Variants in ARNT2 observed in about 807,000 individuals in gnomAD.
ARNT2 encodes ARNT protein 2.
A neutral mutation model predicts 91.7 loss-of-function variants in ARNT2; 36 were observed. The observed-to-expected ratio is 0.39, with a 90% CI of 0.30 to 0.52. ARNT2 has a LOEUF of 0.52. Ranked by LOEUF, ARNT2 falls within the 20% of genes least tolerant of loss-of-function variation. The pLI, the probability that ARNT2 is intolerant of heterozygous loss-of-function variation, is 0.72. For synonymous variants in ARNT2, 365 were observed against 347.1 expected (o/e 1.05, Z -0.57); for missense variants, 775 against 939.3 (o/e 0.83, Z 2.29).
chr15:80,432,939 AAAGAAAACAGAT>A (rs1386889733), intron 1 of ARNT2, among the ~76,000 whole-genome samples: 1 of 152,226 alleles, frequency 6.6e-6, no homozygotes, highest in Non-Finnish European at 1.5e-5. Flanking sequence ...ACTGCTTTGA[AAAGAAAACAGAT>A]TTTAATGCCT....
In ARNT2 at chr15:80,475,357, A is replaced by G; in HGVS notation, c.622+134A>G. 22 of 888,704 alleles carry G rather than the reference A, an allele frequency of 2.5e-5. No individual in the cohort carries two copies. In the South Asian group the frequency reaches 3.4e-4, roughly 14 times the overall value. 55.1% of individuals were successfully genotyped at this position (888,704 alleles called of 1,614,324 possible). A position where few individuals can be genotyped will look rare whatever the true frequency, so the allele number is the denominator to read the frequency against. ...ATCACGAGGTCAGGAGATCAAGACC[A>G]TCCTGGCTAACATGGTGAAACCCCG... On this transcript the variant is annotated intron_variant, in intron 5 of 18. Transcript: ENST00000303329.
chr15:80,509,984 A>G lies in ARNT2; in HGVS notation c.725+1726A>G, dbSNP rs533166597. ...AGAGGTCCCTGAAGTTGACTGTGAGAGTTACATGTTCTGAATAACATTACT... is the reference window on the plus strand; with the variant it reads ...AGAGGTCCCTGAAGTTGACTGTGAGGGTTACATGTTCTGAATAACATTACT... On this transcript the variant is annotated intron_variant, in intron 6 of 18. Transcript: ENST00000303329. Among the ~76,000 whole-genome samples the G allele has an allele frequency of 2.0e-5, 3 of 152,270 alleles. No individual in the cohort carries two copies. In the South Asian group the frequency reaches 6.2e-4, roughly 32 times the overall value.
At chr15:80,457,749 C>T (rs544920945) in intron 2 of ARNT2, among the ~76,000 whole-genome samples, 180 bp from the exon 3 acceptor site, 11 of 152,342 alleles carry the variant, frequency 7.2e-5, no homozygotes, top group African/African-American at 1.7e-4. Flanking sequence ...TTCATTTTGC[C>T]TCTTCTTGTC....
At chr15:80,572,179 T>A (rs1830946811) in intron 12 of ARNT2, among the ~76,000 whole-genome samples, 2 of 151,092 alleles carry the variant, frequency 1.3e-5, no homozygotes, top group African/African-American at 4.9e-5. Context: ...TGAGTTAGGA[T>A]GAATGCAGGC....
chr15:80,483,478 G>C (rs564634093), intron 5 of ARNT2, among the ~76,000 whole-genome samples: 2 of 152,344 alleles, frequency 1.3e-5, no homozygotes, highest in Non-Finnish European at 2.9e-5. Flanking sequence ...CTGGGGGTTT[G>C]CTGTCCCCTC....
At chr15:80,515,704 G>C (rs1595993975) in intron 8 of ARNT2, among the ~76,000 whole-genome samples, 1 of 138,254 alleles carries the variant, frequency 7.2e-6, no homozygotes, top group African/African-American at 2.7e-5. Flanking sequence ...CCACTGATGT[G>C]AATTATATAT....
intron 5 of ARNT2, among the ~76,000 whole-genome samples, chr15:80,498,792 A>G (rs951503543): frequency 2.4e-4 from 37 of 152,366 alleles, no homozygotes; most frequent in African/African-American, 8.7e-4. Flanking sequence ...AACAGCCACA[A>G]GCTGGCCACA....
At chr15:80,435,006 C>T (rs1439542402) in intron 1 of ARNT2, among the ~76,000 whole-genome samples, 3 of 152,070 alleles carry the variant, frequency 2.0e-5, no homozygotes, top group Admixed American at 1.3e-4. Context: ...TCCTTACCTG[C>T]GGGTAAACCA....
rs764213890 is a variant in ARNT2, at chr15:80,581,355, G to A, written c.1869G>A (p.Ser623=). The A allele has an allele frequency of 2.1e-5, 34 of 1,613,986 alleles. No individual in the cohort carries two copies. Among genetic ancestry groups the A allele is most frequent in the Non-Finnish European group, 2.7e-5 (32 of 1,180,018 alleles). The change falls in exon 17 of 19, where the codon TCG becomes TCA. Residue 623 remains serine (S), a synonymous_variant. Transcript: ENST00000303329. ...YSPLSSPATS[S]PSGNAYSSLA... is the part of the protein sequence containing the mutation. ...CCCTCTCCAGCCCAGCTACCTCCTC[G>A]CCAAGTGGGAATGCCTACTCCAGTC... is the stretch of plus-strand genomic sequence containing the variant.
chr15:80,583,340 A>G (rs973644326), intron 17 of ARNT2, among the ~76,000 whole-genome samples: 2 of 152,188 alleles, frequency 1.3e-5, no homozygotes, highest in Admixed American at 6.5e-5. Flanking sequence ...TCCCTGCCCC[A>G]ACCATCCAGT....
intron 12 of ARNT2, among the ~76,000 whole-genome samples, chr15:80,567,376 T>C (rs1567003728): frequency 6.6e-6 from 1 of 152,220 alleles, no homozygotes; most frequent in East Asian, 1.9e-4. Context: ...TGTCCCAGGC[T>C]CATACCTCCT....
intron 1 of ARNT2, among the ~76,000 whole-genome samples, chr15:80,437,263 G>C (rs952934960): frequency 6.6e-6 from 1 of 152,096 alleles, no homozygotes; most frequent in African/African-American, 2.4e-5. Context: ...GTTACCTCTT[G>C]CCCCGACTTC....
At chr15:80,489,515 C>T (rs923485085) in intron 5 of ARNT2, among the ~76,000 whole-genome samples, 1 of 152,200 alleles carries the variant, frequency 6.6e-6, no homozygotes, top group African/African-American at 2.4e-5. Context: ...TTGAGCTGAG[C>T]GCACACGTTC....
chr15:80,555,449 G>A, intron 11 of ARNT2: 1 of 334,004 alleles, frequency 3.0e-6, no homozygotes, highest in Non-Finnish European at 5.6e-6. Context: ...GAATAACTGG[G>A]ATGGGTCTTA....
At chr15:80,510,443 A>G (rs1231590870) in intron 6 of ARNT2, among the ~76,000 whole-genome samples, 2 of 151,514 alleles carry the variant, frequency 1.3e-5, no homozygotes, top group South Asian at 2.1e-4. Flanking sequence ...AATCATATAT[A>G]AAAAAAAAGC....
chr15:80,492,540 T>C (rs1046069779), intron 5 of ARNT2, among the ~76,000 whole-genome samples: 7 of 152,130 alleles, frequency 4.6e-5, no homozygotes, highest in African/African-American at 1.7e-4. Flanking sequence ...GAAGCAGAGG[T>C]CCTTATGATA....
intron 5 of ARNT2, among the ~76,000 whole-genome samples, chr15:80,493,681 G>A (rs893787439): frequency 2.0e-5 from 3 of 152,110 alleles, no homozygotes; most frequent in Non-Finnish European, 4.4e-5. Context: ...TTCTAGTAGG[G>A]AACTCTTTCA....
In ARNT2 at chr15:80,530,933, G is replaced by A. The variant is rs1453266655; in HGVS notation, c.877+16528G>A. ...TAATTATACTCCACAGTCCACAGTT[G>A]CATATTAAATTCTCTTAGACTTCTA... On this transcript the variant is annotated intron_variant, in intron 8 of 18. Transcript: ENST00000303329. Among the ~76,000 whole-genome samples the A allele has an allele frequency of 2.6e-5, 4 of 152,126 alleles. No individual in the cohort carries two copies. In the East Asian group the frequency reaches 7.7e-4, roughly 29 times the overall value.
rs1176468302 is a variant in ARNT2 at position 80,581,389 on chromosome 15, A to G, written c.1903A>G (p.Arg635Gly). The stretch of plus-strand genomic sequence containing the variant: ...GAATGCCTACTCCAGTCTTGCCAAC[A>G]GGACTCCAGGGTTCGGTAGGTGGGG... Reference protein sequence around the residue: ...SGNAYSSLANRTPGFAESGQS... With the variant: ...SGNAYSSLANGTPGFAESGQS... Residue 635 changes from arginine (R) to glycine (G), a missense_variant, in exon 17 of 19, where the codon AGG becomes GGG. By Grantham distance (125) the Arg-to-Gly change is moderately radical. Coordinates refer to ENST00000303329, the MANE Select transcript of ARNT2 (RefSeq NM_014862.4). The G allele has an allele frequency of 1.2e-6, 2 of 1,614,054 alleles. No individual in the cohort carries two copies. Among genetic ancestry groups the G allele is most frequent in the East Asian group, 4.5e-5 (2 of 44,884 alleles).
Sources: allele counts gnomAD v4.1 joint callset (sites outside exome capture counted in the v4.1 genomes callset), GRCh38; gene constraint gnomAD v4.1.1; transcripts MANE v1.5; gene names NCBI Gene and HGNC (gene_info 2026-07-23, HGNC 2026-07-21).